The following CRACR2A variants were observed in gnomAD, a reference collection of about 807,000 sequenced individuals.
CRACR2A encodes EF-hand calcium-binding domain-containing protein 4B.
Under a neutral mutation model 90.5 loss-of-function variants are expected in CRACR2A, and 79 were observed. The ratio of observed to expected loss-of-function variants is 0.87; its 90% CI spans 0.73 to 1.05. The LOEUF (loss-of-function observed/expected upper bound fraction) is 1.05. Ranked by LOEUF, CRACR2A falls within the 50% of genes least tolerant of loss-of-function variation. The probability of loss-of-function intolerance (pLI) is 0.00; values close to 1 mark genes in which losing one functional copy is unlikely to be tolerated. For missense variants in CRACR2A, 823 were observed against 897.2 expected, an observed-to-expected ratio of 0.92 and a Z score of 1.06; for synonymous variants, 338 against 356.7, an observed-to-expected ratio of 0.95 and a Z score of 0.59.
At position 3,628,245 on chromosome 12, in the gene CRACR2A, C is replaced by CTTT. The variant is rs78479932; in HGVS notation, c.1736-540_1736-539insAAA. ...CCTTTCTCTCTTTCTTTCTTTCTTTCCTTCTTTCCTAAAATTCTTTCAGAG... is the reference window on the plus strand; with the variant it reads ...CCTTTCTCTCTTTCTTTCTTTCTTTCTTTCTTCTTTCCTAAAATTCTTTCAGAG... On this transcript the variant is annotated intron_variant, in intron 15 of 19. Coordinates refer to ENST00000440314, the MANE Select transcript of CRACR2A (RefSeq NM_001144958.2). 7.3e-5 allele frequency among the ~76,000 whole-genome samples: 11 copies of CTTT among 150,614 alleles called. No homozygotes were observed. In the South Asian group the frequency reaches 1.1e-3, roughly 14 times the overall value.
intron 2 of CRACR2A, chr12:3,731,220 T>A (rs1359126556): frequency 1.3e-5 from 2 of 152,288 alleles, no homozygotes; most frequent in East Asian, 3.8e-4. Flanking sequence ...ACTCCCAGCC[T>A]CTCTGGAAGA....
chr12:3,751,151 T>C (rs1946696023), intron 1 of CRACR2A, among the ~76,000 whole-genome samples: 1 of 152,182 alleles, frequency 6.6e-6, no homozygotes, highest in Admixed American at 6.5e-5. Context: ...AGTTTCCTCC[T>C]CTACAATATG....
intron 1 of CRACR2A, among the ~76,000 whole-genome samples, chr12:3,750,529 G>T (rs981141706): frequency 2.6e-5 from 4 of 152,142 alleles, no homozygotes; most frequent in Non-Finnish European, 5.9e-5. Context: ...ACATCTTTTA[G>T]CTCTTCTCTA....
intron 4 of CRACR2A, among the ~76,000 whole-genome samples, chr12:3,693,074 A>G (rs1175952334): frequency 1.3e-5 from 2 of 152,170 alleles, no homozygotes; most frequent in Non-Finnish European, 2.9e-5. Context: ...CAGTGGCAGA[A>G]CAGGGTGCAT....
intron 3 of CRACR2A, among the ~76,000 whole-genome samples, chr12:3,708,269 C>T (rs1193638215): frequency 6.6e-6 from 1 of 152,182 alleles, no homozygotes; most frequent in Non-Finnish European, 1.5e-5. Flanking sequence ...CTCCTGCCTC[C>T]AGAGGGGACA....
chr12:3,655,698 A>T (rs1944891124), intron 9 of CRACR2A, among the ~76,000 whole-genome samples: 1 of 152,210 alleles, frequency 6.6e-6, no homozygotes. Flanking sequence ...AGACACAGCC[A>T]TATAGACACT....
chr12:3,748,997 A>G (rs1194403617), intron 1 of CRACR2A, among the ~76,000 whole-genome samples: 1 of 152,234 alleles, frequency 6.6e-6, no homozygotes, highest in African/African-American at 2.4e-5. Context: ...TAACGCTTAC[A>G]GTGCAGGCTC....
At chr12:3,738,627 G>C (rs1242040553) in intron 1 of CRACR2A, among the ~76,000 whole-genome samples, 1 of 152,042 alleles carries the variant, frequency 6.6e-6, no homozygotes, top group Non-Finnish European at 1.5e-5. Flanking sequence ...ATATGAAAGA[G>C]AACTTAAGAG....
intron 14 of CRACR2A, among the ~76,000 whole-genome samples, chr12:3,635,616 C>T (rs951422577): frequency 6.6e-6 from 1 of 152,310 alleles, no homozygotes. Flanking sequence ...AGAACTCCTC[C>T]TGCCTCAGCC....
At chr12:3,724,466 T>C (rs1946232363) in intron 2 of CRACR2A, among the ~76,000 whole-genome samples, 1 of 152,228 alleles carries the variant, frequency 6.6e-6, no homozygotes. Flanking sequence ...CTCCCCAAGA[T>C]AGCTGGCTGG....
chr12:3,620,325 T>C (rs948782744), intron 17 of CRACR2A, among the ~76,000 whole-genome samples: 7 of 152,264 alleles, frequency 4.6e-5, no homozygotes. Context: ...TAGTTATTCA[T>C]TGTAGCTAAA....
At chr12:3,702,586 A>T (rs1056358651) in intron 3 of CRACR2A, among the ~76,000 whole-genome samples, 21 of 152,358 alleles carry the variant, frequency 1.4e-4, no homozygotes, top group African/African-American at 4.6e-4. Flanking sequence ...CTGACAAAGG[A>T]TGTCTAATAC....
At chr12:3,727,091 G>T (rs1231143812) in intron 2 of CRACR2A, 1 of 143,502 alleles carries the variant, frequency 7.0e-6, no homozygotes, top group Non-Finnish European at 1.5e-5. Flanking sequence ...GGAGGCAGAG[G>T]TTGCAGTGAC....
Position 3,697,966 on chromosome 12 carries a change from T to C in CRACR2A, c.-36-931A>G, listed in dbSNP as rs866006226. ...AAACCTGGCTTCTGGACTCCACTGC[T>C]GCTTATATGACCTTGAACAAGTCGG... On this transcript the variant is annotated intron_variant, in intron 3 of 19. Transcript: ENST00000440314. 6.8e-4 allele frequency among the ~76,000 whole-genome samples: 103 copies of C among 152,334 alleles called. 1 individual carries two copies. Among genetic ancestry groups the C allele is most frequent in the African/African-American group, 2.4e-3 (98 of 41,588 alleles).
rs541892441 is a variant in CRACR2A, at chr12:3,738,078, A to C, written c.-386-4868T>G. 7.2e-5 allele frequency among the ~76,000 whole-genome samples: 11 copies of C among 152,336 alleles called. No individual in the cohort carries two copies. The East Asian group carries it at 1.3e-3, about 19-fold the overall frequency. The stretch of plus-strand genomic sequence containing the variant: ...TTTAGGGTATTCATAAAGTGCATTC[A>C]GTACATGTGGGCAATTCTAGGCTCC... On this transcript the variant is annotated intron_variant, in intron 1 of 19. Coordinates refer to ENST00000440314, the MANE Select transcript of CRACR2A (RefSeq NM_001144958.2).
chr12:3,620,430 A>G (rs1403576210), intron 17 of CRACR2A, among the ~76,000 whole-genome samples: 1 of 152,256 alleles, frequency 6.6e-6, no homozygotes, highest in Non-Finnish European at 1.5e-5. Context: ...AGCATTTCAA[A>G]TAAATGTCCA....
At chr12:3,742,837 T>C (rs537096205) in intron 1 of CRACR2A, among the ~76,000 whole-genome samples, 2 of 152,324 alleles carry the variant, frequency 1.3e-5, no homozygotes, top group South Asian at 2.1e-4. Flanking sequence ...GCCCAGTTTC[T>C]TTCCAGAGCA....
At chr12:3,627,329 T>C (rs1427604218) in intron 17 of CRACR2A, 107 bp downstream of exon 17, 2 of 810,208 alleles carry the variant, frequency 2.5e-6, no homozygotes, top group Admixed American at 5.3e-5. Flanking sequence ...AAAAGGCAAG[T>C]TCCGAATCAG....
intron 4 of CRACR2A, among the ~76,000 whole-genome samples, chr12:3,687,639 A>G (rs1945583939): frequency 6.6e-6 from 1 of 152,130 alleles, no homozygotes; most frequent in African/African-American, 2.4e-5. Flanking sequence ...GCTCCTGTGA[A>G]TGGTGCTACA....
Sources: gnomAD v4.1 joint callset for allele counts (sites outside exome capture counted in the v4.1 genomes callset) on GRCh38, gnomAD v4.1.1 for gene constraint, MANE v1.5 for transcripts, NCBI Gene and HGNC (gene_info 2026-07-23, HGNC 2026-07-21) for gene names.